Variants in TTC13 observed in about 807,000 individuals in gnomAD.
The protein encoded by TTC13 is tetratricopeptide repeat domain 13, also known as tetratricopeptide repeat protein 13.
Under a neutral mutation model 120.0 loss-of-function variants are expected in TTC13, and 62 were observed. The observed-to-expected ratio is 0.52, with a 90% CI of 0.42 to 0.64. The LOEUF (loss-of-function observed/expected upper bound fraction) is 0.64, where lower values mean the gene tolerates loss of function less well. TTC13 is among the 30% of genes least tolerant of loss of function. The pLI, the probability that TTC13 is intolerant of heterozygous loss-of-function variation, is 0.00. For synonymous variants in TTC13, 384 were observed against 393.5 expected (o/e 0.98, Z 0.28); for missense variants, 824 against 1,050.2 (o/e 0.78, Z 2.98).
At chr1:230,934,537 G>A (rs1421390445) in intron 8 of TTC13, among the ~76,000 whole-genome samples, 1 of 152,218 alleles carries the variant, frequency 6.6e-6, no homozygotes, top group Non-Finnish European at 1.5e-5. Flanking sequence ...AATGCATGGT[G>A]TACTTGGCTA....
intron 4 of TTC13, among the ~76,000 whole-genome samples, chr1:230,946,856 G>A (rs1440507251): frequency 6.6e-6 from 1 of 152,112 alleles, no homozygotes; most frequent in African/African-American, 2.4e-5. Context: ...GGTTGCTCAT[G>A]CTATTTTCTA....
At chr1:230,924,457 G>A (rs534936078) in intron 14 of TTC13, among the ~76,000 whole-genome samples, 6 of 152,022 alleles carry the variant, frequency 3.9e-5, no homozygotes, top group African/African-American at 7.2e-5. Flanking sequence ...CTCAGCCTCC[G>A]GAGTAGCTGC....
intron 1 of TTC13, among the ~76,000 whole-genome samples, chr1:230,967,102 A>G (rs76669101): frequency 0.04 from 6,088 of 152,222 alleles, 156 homozygotes; most frequent in South Asian, 0.13. Context: ...CCATTTAGTC[A>G]GCTGGTAACT....
At chr1:230,911,272 T>C in intron 20 of TTC13, 198 bp downstream of exon 20, 1 of 457,942 alleles carries the variant, frequency 2.2e-6, no homozygotes, top group Non-Finnish European at 3.9e-6. Context: ...AAGCACACTA[T>C]ATTAGAACTG....
intron 18 of TTC13, among the ~76,000 whole-genome samples, chr1:230,914,314 AC>A (rs1335344888): frequency 6.6e-6 from 1 of 152,150 alleles, no homozygotes; most frequent in Non-Finnish European, 1.5e-5. Context: ...AGCCTACTCA[AC>A]GTGAAGATAG....
chr1:230,941,005 G>A (rs1175793088), intron 6 of TTC13, among the ~76,000 whole-genome samples: 2 of 152,180 alleles, frequency 1.3e-5, no homozygotes, highest in African/African-American at 2.4e-5. Context: ...ATGGTAAGAA[G>A]AGCTGAATGA....
chr1:230,936,684 T>TATTACTATATGCAATACTAAATATGCA (rs57147502), intron 8 of TTC13: 28,224 of 160,180 alleles, frequency 0.18, 2,764 homozygotes, highest in East Asian at 0.4. Flanking sequence ...TATTACATCA[T>TATTACTATATGCAATACTAAATATGCA]ATAGTAAATA....
intron 4 of TTC13, among the ~76,000 whole-genome samples, chr1:230,947,518 G>A (rs1675111181): frequency 6.6e-6 from 1 of 151,706 alleles, no homozygotes; most frequent in South Asian, 2.1e-4. Flanking sequence ...AATTGTCTTA[G>A]GCCACACATA....
chr1:230,974,393 ATG>A (rs1486634417), intron 1 of TTC13, among the ~76,000 whole-genome samples: 6 of 152,216 alleles, frequency 3.9e-5, no homozygotes, highest in Non-Finnish European at 8.8e-5. Flanking sequence ...TGGACCACGT[ATG>A]TGTGAGAATG....
chr1:230,910,164 G>A (rs575075886), intron 20 of TTC13, among the ~76,000 whole-genome samples: 2 of 152,286 alleles, frequency 1.3e-5, no homozygotes, highest in African/African-American at 4.8e-5. Flanking sequence ...GTGAGTCAAG[G>A]TGATTCATGG....
intron 1 of TTC13, among the ~76,000 whole-genome samples, chr1:230,977,458 C>T (rs1298454269): frequency 6.6e-6 from 1 of 152,100 alleles, no homozygotes; most frequent in Non-Finnish European, 1.5e-5. Flanking sequence ...TTACTTACGC[C>T]GTTACCAGCT....
In TTC13 at chr1:230,931,328, G is replaced by A. The variant is rs758054026; in HGVS notation, c.1270C>T (p.Pro424Ser). Reference protein sequence around the residue: ...NDPLPGQKASPEYLKVKYLRE... With the variant: ...NDPLPGQKASSEYLKVKYLRE... ...AGATACTTTACTTTAAGATACTCAG[G>A]GCTAGCCTTCTGGCCTGGGAGAGGA... Residue 424 changes from proline (P) to serine (S), a missense_variant, in exon 11 of 23, where the codon CCT becomes TCT. Physicochemically the swap from Pro to Ser is moderately conservative, Grantham distance 74 (BLOSUM62 -1). Coordinates refer to ENST00000366661, the MANE Select transcript of TTC13 (RefSeq NM_024525.5). 1.2e-6 allele frequency: 2 copies of A among 1,613,988 alleles called. No individual in the cohort carries two copies. Among genetic ancestry groups the A allele is most frequent in the Non-Finnish European group, 1.7e-6 (2 of 1,180,014 alleles).
chr1:230,960,760 C>T (rs1422123391), intron 2 of TTC13, among the ~76,000 whole-genome samples: 1 of 152,138 alleles, frequency 6.6e-6, no homozygotes, highest in East Asian at 1.9e-4. Flanking sequence ...GGCAGCCAGG[C>T]TGGAGGAGGA....
At chr1:230,925,789 C>A in intron 12 of TTC13, 142 bp from the exon 13 acceptor site, 1 of 876,834 alleles carries the variant, frequency 1.1e-6, no homozygotes, top group Non-Finnish European at 1.8e-6. Flanking sequence ...CAGTCCTTTG[C>A]ACCCAACCAT....
intron 5 of TTC13, 73 bp downstream of exon 5, chr1:230,945,316 G>A: frequency 7.8e-7 from 1 of 1,280,274 alleles, no homozygotes; most frequent in Non-Finnish European, 1.1e-6. Flanking sequence ...ATGAACAGTA[G>A]CAGTTCTAGC....
chr1:230,948,242 T>G (rs1245911001), intron 4 of TTC13, among the ~76,000 whole-genome samples: 1 of 151,972 alleles, frequency 6.6e-6, no homozygotes, highest in Non-Finnish European at 1.5e-5. Flanking sequence ...TATACACACA[T>G]GTATCAGAAA....
intron 1 of TTC13, among the ~76,000 whole-genome samples, chr1:230,969,837 A>G (rs905739719): frequency 6.6e-6 from 1 of 152,244 alleles, no homozygotes; most frequent in Non-Finnish European, 1.5e-5. Context: ...TGCACAGAAA[A>G]GGATTGTTAA....
intron 15 of TTC13, among the ~76,000 whole-genome samples, chr1:230,923,436 C>T (rs889319534): frequency 2.6e-5 from 4 of 152,046 alleles, no homozygotes; most frequent in Non-Finnish European, 5.9e-5. Flanking sequence ...AGCCGCCCAC[C>T]GTGAGAGACT....
In TTC13 at chr1:230,940,383, A is replaced by G; in HGVS notation, c.789+57T>C. The stretch of plus-strand genomic sequence containing the variant: ...TATCAAAGAGTCACTTTCTGAGGTC[A>G]AGGGAAAAATGAAATCTTCATCATC... On this transcript the variant is annotated intron_variant, in intron 7 of 22. Transcript: ENST00000366661. This position sits in a 1 kb window ranked among gnomAD's most constrained non-coding sequence, Gnocchi z 4.1. 1 of 1,161,000 alleles carries G rather than the reference A, an allele frequency of 8.6e-7. No homozygotes were observed. The highest frequency in any genetic ancestry group is 1.3e-5 in the South Asian group (1 of 78,566). The allele number at this position is 1,161,000 out of a possible 1,614,324, so 71.9% of individuals were successfully genotyped here.
Sources: allele counts gnomAD v4.1 joint callset (sites outside exome capture counted in the v4.1 genomes callset), GRCh38; gene constraint gnomAD v4.1.1; non-coding constraint Gnocchi (gnomAD v3.1); transcripts MANE v1.5; gene names NCBI Gene and HGNC (gene_info 2026-07-23, HGNC 2026-07-21).